The following GANC variants were observed in gnomAD, a reference collection of about 807,000 sequenced individuals.
GANC encodes the protein neutral alpha-glucosidase C.
Under a neutral mutation model 124.2 loss-of-function variants are expected in GANC, and 117 were observed. The observed-to-expected ratio is 0.94, with a 90% CI of 0.81 to 1.10. The LOEUF is 1.10. Ranked by LOEUF, GANC falls within the 50% of genes least tolerant of loss-of-function variation. The probability of loss-of-function intolerance (pLI) is 0.00; values close to 1 mark genes in which losing one functional copy is unlikely to be tolerated. For synonymous variants in GANC, 377 were observed against 376.8 expected, an observed-to-expected ratio of 1.00 and a Z score of -0.01; for missense variants, 1,140 against 1,095.0, an observed-to-expected ratio of 1.04 and a Z score of -0.58.
rs755396614 is a variant in GANC at position 42,340,683 on chromosome 15, T to C, written c.2088-7T>C. The C allele has an allele frequency of 8.9e-5, 141 of 1,589,384 alleles. No individual in the cohort carries two copies. Among genetic ancestry groups the C allele is most frequent in the Non-Finnish European group, 1.1e-4 (134 of 1,172,100 alleles). ...TGTTAAAACAATAATTTTTTTTCTT[T>C]CCCCAGGCCTCTGTGGGTAGAGTTC... is the stretch of plus-strand genomic sequence containing the variant. On this transcript the variant is annotated splice_region_variant and splice_polypyrimidine_tract_variant and intron_variant, in intron 17 of 23. Transcript: ENST00000318010.
chr15:42,334,781 A>G (rs187875532), intron 15 of GANC, among the ~76,000 whole-genome samples: 127 of 152,138 alleles, frequency 8.3e-4, no homozygotes, highest in Middle Eastern at 3.4e-3. Context: ...ATAACAAAAT[A>G]GATAGACTGC....
intron 18 of GANC, 120 bp from the exon 19 acceptor site, chr15:42,342,958 C>T: frequency 1.3e-6 from 1 of 753,244 alleles, no homozygotes; most frequent in Non-Finnish European, 2.3e-6. Context: ...GTCTCTGCCT[C>T]TCCAAAGTTC....
At chr15:42,331,238 A>G (rs893349850) in intron 15 of GANC, among the ~76,000 whole-genome samples, 3 of 152,198 alleles carry the variant, frequency 2.0e-5, no homozygotes, top group Admixed American at 6.5e-5. Flanking sequence ...AGAAATGGCC[A>G]CTTCGTTGTT....
chr15:42,312,423 C>T (rs2052059928), intron 10 of GANC, among the ~76,000 whole-genome samples: 1 of 152,162 alleles, frequency 6.6e-6, no homozygotes, highest in African/African-American at 2.4e-5. Context: ...AGTTTCCCTG[C>T]ACAAGCACTC....
chr15:42,281,047 A>G, intron 3 of GANC: 1 of 702,568 alleles, frequency 1.4e-6, no homozygotes, highest in Non-Finnish European at 2.6e-6. Context: ...GAGCCTGATA[A>G]ACAAGGACAA....
intron 5 of GANC, among the ~76,000 whole-genome samples, chr15:42,296,212 C>T (rs561345667): frequency 2.2e-4 from 33 of 151,612 alleles, no homozygotes; most frequent in African/African-American, 7.7e-4. Flanking sequence ...TGTAATATCC[C>T]TTTTTATCCC....
chr15:42,310,967 T>A, intron 10 of GANC, 121 bp downstream of exon 10: 1 of 1,089,606 alleles, frequency 9.2e-7, no homozygotes, highest in Non-Finnish European at 1.3e-6. Context: ...CCAAGCATTT[T>A]AATTAGCAAG....
At chr15:42,343,445 A>G (rs76343482) in intron 19 of GANC, 8,461 of 356,248 alleles carry the variant, frequency 0.024, 377 homozygotes, top group African/African-American at 0.12. Context: ...GGCTTGGGGT[A>G]GGAAGAAATC....
chr15:42,292,850 G>T lies in GANC; in HGVS notation c.445G>T (p.Val149Phe). Residue 149 changes from valine (V) to phenylalanine (F), a missense_variant, in exon 5 of 24, where the codon GTT becomes TTT. Val to Phe is a conservative substitution (Grantham distance 50). Coordinates refer to ENST00000318010, the MANE Select transcript of GANC (RefSeq NM_198141.3). ...FKVDLVSEEE[V>F]VISINSLGQL... ...GGTAGACTTGGTGTCTGAAGAAGAGGTTGTGATTAGCATAAATTCCCTGGG... is the reference window on the plus strand; with the variant it reads ...GGTAGACTTGGTGTCTGAAGAAGAGTTTGTGATTAGCATAAATTCCCTGGG... 6.2e-7 allele frequency: 1 copy of T among 1,614,104 alleles called. No individual in the cohort carries two copies. The highest frequency in any genetic ancestry group is 1.3e-5 in the African/African-American group (1 of 75,030).
chr15:42,279,148 T>C (rs1184227077), intron 3 of GANC, among the ~76,000 whole-genome samples: 1 of 152,246 alleles, frequency 6.6e-6, no homozygotes, highest in Non-Finnish European at 1.5e-5. Context: ...TTGTTTAGTC[T>C]TCGTAACACA....
intron 14 of GANC, among the ~76,000 whole-genome samples, chr15:42,330,053 A>G (rs2052229970): frequency 6.6e-6 from 1 of 152,226 alleles, no homozygotes; most frequent in Non-Finnish European, 1.5e-5. Flanking sequence ...TTGTGACTGT[A>G]TTCCTGTGGC....
At chr15:42,332,069 CT>C (rs1422349457) in intron 15 of GANC, among the ~76,000 whole-genome samples, 1 of 152,054 alleles carries the variant, frequency 6.6e-6, no homozygotes, top group Non-Finnish European at 1.5e-5. Flanking sequence ...AAATTATTCT[CT>C]TTTAGCTTTT....
intron 7 of GANC, 85 bp downstream of exon 7, chr15:42,306,697 C>A: frequency 1.2e-6 from 1 of 867,584 alleles, no homozygotes; most frequent in Non-Finnish European, 1.8e-6. Context: ...TGATCTCTGG[C>A]ACCTAAAACA....
rs557575538 is a variant in GANC, at chr15:42,339,803, G to A, written c.1978G>A (p.Glu660Lys). The A allele has an allele frequency of 2.5e-6, 4 of 1,614,130 alleles. No individual in the cohort carries two copies. Among genetic ancestry groups the A allele is most frequent in the Admixed American group, 3.3e-5 (2 of 60,012 alleles). ...TKRREPWLFG[E>K]EHTRLIREAI... ...GCGACGAGAGCCCTGGCTCTTTGGGGAGGAACACACCCGACTCATCCGAGA... is the reference window on the plus strand; with the variant it reads ...GCGACGAGAGCCCTGGCTCTTTGGGAAGGAACACACCCGACTCATCCGAGA... The change falls in exon 17 of 24, where the codon GAG becomes AAG. Residue 660 changes from glutamate to lysine, a missense_variant. Glu to Lys is a moderately conservative substitution (Grantham distance 56). Transcript: ENST00000318010.
chr15:42,283,556 A>G (rs960286222), intron 3 of GANC: 1 of 672,132 alleles, frequency 1.5e-6, no homozygotes, highest in African/African-American at 1.8e-5. Context: ...GCTAATTATG[A>G]TGCTTTCTCA....
chr15:42,312,035 A>G (rs932153140), intron 10 of GANC, among the ~76,000 whole-genome samples: 2 of 152,216 alleles, frequency 1.3e-5, no homozygotes, highest in South Asian at 4.1e-4. Context: ...AAGAATGCCT[A>G]AATAAATGGA....
intron 7 of GANC, 135 bp from the exon 8 acceptor site, chr15:42,308,087 C>T: frequency 1.8e-6 from 1 of 562,614 alleles, no homozygotes; most frequent in Non-Finnish European, 3.3e-6. Flanking sequence ...CAGTACACAG[C>T]ATTTGCTAAT....
rs74244932 is a variant in GANC at position 42,346,329 on chromosome 15, G to A, written c.2304+497G>A. Among the ~76,000 whole-genome samples the A allele has an allele frequency of 3.6e-3, 541 of 152,212 alleles. 29 individuals carry two copies. In the East Asian group the frequency reaches 0.089, roughly 25 times the overall value. ...ATGCATAGAGACAGAAGGTAGGTCC[G>A]GGGGTGCCTAGTGCTGGGGCAGAGG... On this transcript the variant is annotated intron_variant, in intron 20 of 23. Coordinates refer to ENST00000318010, the MANE Select transcript of GANC (RefSeq NM_198141.3).
chr15:42,305,820 A>G (rs969548900), intron 6 of GANC, among the ~76,000 whole-genome samples: 6 of 152,116 alleles, frequency 3.9e-5, no homozygotes, highest in African/African-American at 1.4e-4. Flanking sequence ...AGAAACCATC[A>G]TTCTCAGCAA....
Sources: gnomAD v4.1 joint callset for allele counts (sites outside exome capture counted in the v4.1 genomes callset) on GRCh38, gnomAD v4.1.1 for gene constraint, MANE v1.5 for transcripts, NCBI Gene and HGNC (gene_info 2026-07-23, HGNC 2026-07-21) for gene names.